Variants in CNTRL observed in about 807,000 individuals in gnomAD.
CNTRL encodes 110 kDa centrosomal protein.
A neutral mutation model predicts 303.7 loss-of-function variants in CNTRL; 233 were observed. The ratio of observed to expected loss-of-function variants is 0.77; its 90% CI spans 0.69 to 0.86. The LOEUF (loss-of-function observed/expected upper bound fraction) is 0.86. Among genes scored for constraint, CNTRL ranks in the 40% least tolerant of loss-of-function variants. The pLI is 0.00. For missense variants in CNTRL, 2,524 were observed against 2,650.6 expected (o/e 0.95, Z 1.05); for synonymous variants, 900 against 922.2 (o/e 0.98, Z 0.44).
At position 121,125,787 on chromosome 9, in the gene CNTRL, G is replaced by GGGACCATT. The variant is rs1447491221; in HGVS notation, c.1877_1884dup (p.Lys629GlyfsTer28). The GGGACCATT allele has an allele frequency of 6.2e-7, 1 of 1,614,138 alleles. No individual in the cohort carries two copies. Among genetic ancestry groups the GGGACCATT allele is most frequent in the East Asian group, 2.2e-5 (1 of 44,882 alleles). On this transcript the variant is annotated frameshift_variant, in exon 14 of 44. Coordinates refer to ENST00000373855, the MANE Select transcript of CNTRL (RefSeq NM_007018.6). LOFTEE classifies it high-confidence loss of function. The stretch of plus-strand genomic sequence containing the variant: ...TATCAGTGGGTTGCAAGAATACCTG[G>GGGACCATT]GGACCATTAAAGGCCAGGCAACTCA...
At chr9:121,122,826 G>A (rs1417793303) in intron 12 of CNTRL, among the ~76,000 whole-genome samples, 4 of 152,108 alleles carry the variant, frequency 2.6e-5, no homozygotes, top group Non-Finnish European at 5.9e-5. Context: ...ATGACTTCAG[G>A]GTGCGGGAGG....
chr9:121,167,856 C>T (rs1459394987), intron 37 of CNTRL, among the ~76,000 whole-genome samples, 179 bp downstream of exon 37: 2 of 152,132 alleles, frequency 1.3e-5, no homozygotes, highest in East Asian at 1.9e-4. Context: ...AGACCTTTAA[C>T]GATCATAGAA....
At chr9:121,078,314 G>A (rs1020559906) in intron 1 of CNTRL, among the ~76,000 whole-genome samples, 3 of 151,832 alleles carry the variant, frequency 2.0e-5, no homozygotes, top group African/African-American at 7.3e-5. Context: ...AGGTTGGGGC[G>A]GGACAATCAC....
chr9:121,098,102 A>C (rs1323476046), intron 6 of CNTRL, among the ~76,000 whole-genome samples: 3 of 152,226 alleles, frequency 2.0e-5, no homozygotes, highest in Non-Finnish European at 4.4e-5. Context: ...CAAGTCGCCT[A>C]ACTTCTTTGA....
At chr9:121,166,881 C>T (rs968841282) in intron 36 of CNTRL, among the ~76,000 whole-genome samples, 2 of 151,870 alleles carry the variant, frequency 1.3e-5, no homozygotes, top group South Asian at 2.1e-4. Context: ...ATTAGCCAGG[C>T]GTGGTGGCAC....
chr9:121,162,420 G>A, intron 34 of CNTRL, 149 bp downstream of exon 34: 2 of 664,542 alleles, frequency 3.0e-6, no homozygotes, highest in South Asian at 1.8e-5. Flanking sequence ...CATTTTTTTG[G>A]AGAATTTCCT....
chr9:121,123,248 T>C (rs1036001034), intron 12 of CNTRL, among the ~76,000 whole-genome samples: 4 of 152,162 alleles, frequency 2.6e-5, no homozygotes, highest in East Asian at 1.9e-4. Context: ...TCTATAGATA[T>C]ATGCCATAAC....
intron 2 of CNTRL, among the ~76,000 whole-genome samples, chr9:121,082,488 T>C (rs1191524928): frequency 6.6e-6 from 1 of 152,246 alleles, no homozygotes; most frequent in Non-Finnish European, 1.5e-5. Context: ...TGTCCCTTAA[T>C]GACAGAATTT....
chr9:121,154,255 G>C (rs1045246287), intron 26 of CNTRL, among the ~76,000 whole-genome samples: 4 of 152,110 alleles, frequency 2.6e-5, no homozygotes, highest in South Asian at 2.1e-4. Flanking sequence ...CACAGTTTTT[G>C]ATGTGTCAAA....
chr9:121,121,819 G>A (rs915789795), intron 12 of CNTRL: 15 of 985,340 alleles, frequency 1.5e-5, no homozygotes, highest in African/African-American at 1.0e-4. Flanking sequence ...ACAGAGGCTC[G>A]GAGGCGCTTG....
At chr9:121,105,890 C>T (rs1251181855) in intron 7 of CNTRL, among the ~76,000 whole-genome samples, 1 of 152,074 alleles carries the variant, frequency 6.6e-6, no homozygotes, top group African/African-American at 2.4e-5. Context: ...CCCATAATGT[C>T]TCTTGTAGTA....
chr9:121,155,194 C>T (rs750158823), intron 27 of CNTRL, among the ~76,000 whole-genome samples: 2 of 152,158 alleles, frequency 1.3e-5, no homozygotes, highest in Non-Finnish European at 2.9e-5. Flanking sequence ...CCTGAAGTTA[C>T]TTAGTTCCTA....
At chr9:121,170,105 C>T (rs946137875) in intron 39 of CNTRL, among the ~76,000 whole-genome samples, 1 of 152,140 alleles carries the variant, frequency 6.6e-6, no homozygotes. Flanking sequence ...TCAGTTTACA[C>T]CTCCACTGGC....
rs1357732519 is a variant in CNTRL at position 121,140,588 on chromosome 9, G to A, written c.2338-53G>A. On this transcript the variant is annotated intron_variant, in intron 16 of 43. Coordinates refer to ENST00000373855, the MANE Select transcript of CNTRL (RefSeq NM_007018.6). The stretch of plus-strand genomic sequence containing the variant: ...AGATATGTTTGTTAGTTCGTTAGTA[G>A]TGAAAATATGCTGGCATGTAATAGA... 11 of 1,494,396 alleles carry A rather than the reference G, an allele frequency of 7.4e-6. No homozygotes were observed. The East Asian group carries it at 2.6e-4, about 35-fold the overall frequency. 92.6% of individuals were successfully genotyped at this position (1,494,396 alleles called of 1,614,324 possible). A position where few individuals can be genotyped will look rare whatever the true frequency, so the allele number is the denominator to read the frequency against.
chr9:121,141,385 C>A lies in CNTRL; in HGVS notation c.2488C>A (p.His830Asn). ...LKLGTGEMNIHSPSDVLGKSL... is the reference protein window; with the variant it reads ...LKLGTGEMNINSPSDVLGKSL... ...ATTTTTCCCCCTCCTTACTAGCATC[C>A]ATAGTCCTTCAGATGTCTTAGGGAA... The change falls in exon 18 of 44, where the codon CAT (histidine) becomes AAT (asparagine). Residue 830 changes from histidine to asparagine, a missense_variant. His to Asn is a moderately conservative substitution (Grantham distance 68). Coordinates refer to ENST00000373855, the MANE Select transcript of CNTRL (RefSeq NM_007018.6). The A allele has an allele frequency of 6.2e-7, 1 of 1,611,498 alleles. No homozygotes were observed. The highest frequency in any genetic ancestry group is 1.1e-5 in the South Asian group (1 of 90,998).
At chr9:121,127,407 A>G (rs1412197411) in intron 14 of CNTRL, among the ~76,000 whole-genome samples, 2 of 152,176 alleles carry the variant, frequency 1.3e-5, no homozygotes, top group Admixed American at 6.5e-5. Context: ...ATTACTTTTC[A>G]TAGTGAGTTT....
intron 6 of CNTRL, among the ~76,000 whole-genome samples, chr9:121,097,840 T>C (rs2048957343): frequency 6.6e-6 from 1 of 152,216 alleles, no homozygotes; most frequent in African/African-American, 2.4e-5. Flanking sequence ...GTGCTGCACA[T>C]TCACTTGGGA....
At position 121,154,871 on chromosome 9, in the gene CNTRL, C is replaced by T. The variant is rs1269976214; in HGVS notation, c.4323C>T (p.Leu1441=). ...CAGAGCTCAGGGAAGCTGACCGACT[C>T]CTGGCAGAGGCTGAGAGTGAACTTT... ...RRSELREADR[L]LAEAESELSC... The change falls in exon 27 of 44, where the codon CTC becomes CTT. Residue 1441 remains leucine (L), a synonymous_variant. Transcript: ENST00000373855. 6.2e-7 allele frequency: 1 copy of T among 1,614,140 alleles called. No homozygotes were observed. The highest frequency in any genetic ancestry group is 8.5e-7 in the Non-Finnish European group (1 of 1,180,004).
At chr9:121,085,545 T>G (rs1309686532) in intron 2 of CNTRL, among the ~76,000 whole-genome samples, 1 of 152,166 alleles carries the variant, frequency 6.6e-6, no homozygotes, top group Non-Finnish European at 1.5e-5. Context: ...ATGGAGCTGC[T>G]GGGAATTCAG....
Sources: gnomAD v4.1 joint callset for allele counts (sites outside exome capture counted in the v4.1 genomes callset) on GRCh38, gnomAD v4.1.1 for gene constraint, MANE v1.5 for transcripts, NCBI Gene and HGNC (gene_info 2026-07-23, HGNC 2026-07-21) for gene names.